GRIA1: variants seen among roughly 807,000 people sequenced by gnomAD.
The protein encoded by GRIA1 is glutamate receptor 1.
In GRIA1, 31 loss-of-function variants were observed where a neutral mutation model predicts 99.2. The ratio of observed to expected loss-of-function variants is 0.31; its 90% CI spans 0.23 to 0.42. The LOEUF is 0.42. Among genes scored for constraint, GRIA1 ranks in the 10% least tolerant of loss-of-function variants. GRIA1 has a pLI of 1.00. For synonymous variants in GRIA1, 438 were observed against 432.4 expected, an observed-to-expected ratio of 1.01 and a Z score of -0.16; for missense variants, 782 against 1,157.5, an observed-to-expected ratio of 0.68 and a Z score of 4.71.
At chr5:153,500,613 A>G (rs1337681118) in intron 2 of GRIA1, among the ~76,000 whole-genome samples, 1 of 29,494 alleles carries the variant, frequency 3.4e-5, no homozygotes, top group Non-Finnish European at 6.2e-5. Context: ...TCTTACATAC[A>G]CACACACACA....
At chr5:153,524,031 G>T (rs765419506) in intron 2 of GRIA1, among the ~76,000 whole-genome samples, 10 of 152,186 alleles carry the variant, frequency 6.6e-5, no homozygotes, top group Non-Finnish European at 1.0e-4. Flanking sequence ...TACTGAATCA[G>T]AATTCCTGGC....
chr5:153,755,146 G>A (rs1399856896), intron 11 of GRIA1, among the ~76,000 whole-genome samples: 1 of 152,156 alleles, frequency 6.6e-6, no homozygotes, highest in Admixed American at 6.5e-5. Flanking sequence ...TGAGCCAGGG[G>A]CCAGATCACA....
chr5:153,759,555 A>T, intron 11 of GRIA1, among the ~76,000 whole-genome samples: 1 of 152,048 alleles, frequency 6.6e-6, no homozygotes. Flanking sequence ...AGATTGAATC[A>T]GTAATAAAAA....
intron 8 of GRIA1, among the ~76,000 whole-genome samples, chr5:153,687,340 TTGAG>T (rs1290448867): frequency 3.3e-5 from 5 of 152,174 alleles, no homozygotes; most frequent in Non-Finnish European, 5.9e-5. Flanking sequence ...GATAATTTAT[TTGAG>T]CTCTTTGTTC....
intron 2 of GRIA1, among the ~76,000 whole-genome samples, chr5:153,618,498 G>A (rs901179149): frequency 4.6e-5 from 7 of 152,180 alleles, no homozygotes; most frequent in Non-Finnish European, 1.0e-4. Flanking sequence ...GGTGGGTGTA[G>A]ACTGGAGGAG....
At chr5:153,537,692 T>C (rs10463335) in intron 2 of GRIA1, among the ~76,000 whole-genome samples, 71,043 of 152,034 alleles carry the variant, frequency 0.47, 18,316 homozygotes, top group Non-Finnish European at 0.59. Flanking sequence ...GGCTTCAAGA[T>C]AGATAAGTGC....
chr5:153,805,544 A>G (rs114846642), intron 15 of GRIA1, among the ~76,000 whole-genome samples: 2,037 of 152,292 alleles, frequency 0.013, 17 homozygotes, highest in African/African-American at 0.023. Context: ...CTCATGAACT[A>G]TGACGAGACC....
intron 13 of GRIA1, among the ~76,000 whole-genome samples, chr5:153,774,721 C>G (rs778398872): frequency 2.6e-5 from 4 of 152,224 alleles, no homozygotes; most frequent in Non-Finnish European, 5.9e-5. Flanking sequence ...ACAGATCACC[C>G]AGTTATGCTT....
intron 11 of GRIA1, among the ~76,000 whole-genome samples, chr5:153,717,121 G>A (rs1040681934): frequency 9.9e-5 from 15 of 152,118 alleles, no homozygotes; most frequent in African/African-American, 3.6e-4. Context: ...CCAAATTACA[G>A]GCTCTTTTCA....
chr5:153,504,021 C>T (rs1195937159), intron 2 of GRIA1, among the ~76,000 whole-genome samples: 1 of 152,170 alleles, frequency 6.6e-6, no homozygotes, highest in Non-Finnish European at 1.5e-5. Flanking sequence ...GGAAAGGAAA[C>T]TTCTCTTTTC....
chr5:153,742,778 T>C (rs1342320934), intron 11 of GRIA1, among the ~76,000 whole-genome samples: 1 of 152,240 alleles, frequency 6.6e-6, no homozygotes, highest in Non-Finnish European at 1.5e-5. Context: ...TCTGTCTTAC[T>C]CCTTGAGCAA....
chr5:153,650,819 G>A (rs996757178), intron 4 of GRIA1, among the ~76,000 whole-genome samples: 1 of 149,974 alleles, frequency 6.7e-6, no homozygotes, highest in Admixed American at 6.7e-5. Context: ...AGCACTTTGG[G>A]AGACTGAGGC....
intron 2 of GRIA1, among the ~76,000 whole-genome samples, chr5:153,538,063 C>T (rs936681353): frequency 6.6e-6 from 1 of 152,132 alleles, no homozygotes; most frequent in African/African-American, 2.4e-5. Flanking sequence ...TTGTTCTAAT[C>T]ATCATCCTAT....
At chr5:153,539,603 T>G (rs1873903) in intron 2 of GRIA1, among the ~76,000 whole-genome samples, 150,537 of 152,308 alleles carry the variant, frequency 0.99, 74,417 homozygotes, top group East Asian at 1. Context: ...TGAGGTTGGT[T>G]AGTTGAAATA....
chr5:153,687,382 A>T (rs1170062454), intron 8 of GRIA1, among the ~76,000 whole-genome samples: 1 of 152,090 alleles, frequency 6.6e-6, no homozygotes, highest in Non-Finnish European at 1.5e-5. Context: ...GTAAGTGGGG[A>T]TCACCTTAAC....
At chr5:153,659,489 T>C (rs1755204267) in intron 5 of GRIA1, among the ~76,000 whole-genome samples, 2 of 152,146 alleles carry the variant, frequency 1.3e-5, no homozygotes, top group Non-Finnish European at 2.9e-5. Flanking sequence ...CACTCCCTGC[T>C]CTGAGACTGT....
Position 153,677,086 on chromosome 5 carries a change from G to C in GRIA1, c.954G>C (p.Gly318=), listed in dbSNP as rs146697277. Residue 318 remains glycine, a synonymous_variant, in exon 7 of 16, where the codon GGG becomes GGC. Coordinates refer to ENST00000285900, the MANE Select transcript of GRIA1 (RefSeq NM_000827.4). ...RRQRIDISRR[G]NAGDCLANPA... Reference sequence around the variant, plus strand: ...AGAGAATTGATATATCTCGCCGGGGGAATGCTGGGGATTGTCTGGCTAACC... The same window carrying C: ...AGAGAATTGATATATCTCGCCGGGGCAATGCTGGGGATTGTCTGGCTAACC... The C allele has an allele frequency of 9.0e-5, 143 of 1,585,388 alleles. No homozygotes were observed. The highest frequency in any genetic ancestry group is 5.1e-4 in the Admixed American group (29 of 57,278).
chr5:153,608,071 A>C (rs959875848), intron 2 of GRIA1, among the ~76,000 whole-genome samples: 6 of 152,148 alleles, frequency 3.9e-5, no homozygotes, highest in African/African-American at 1.4e-4. Context: ...ATTCTCTGTC[A>C]GCACTTTAAA....
chr5:153,573,503 C>T (rs577764970), intron 2 of GRIA1, among the ~76,000 whole-genome samples: 3 of 152,240 alleles, frequency 2.0e-5, no homozygotes, highest in South Asian at 4.2e-4. Context: ...GTATTATCAT[C>T]ATCATTTTGA....
Sources: allele counts gnomAD v4.1 joint callset (sites outside exome capture counted in the v4.1 genomes callset), GRCh38; gene constraint gnomAD v4.1.1; transcripts MANE v1.5; gene names NCBI Gene and HGNC (gene_info 2026-07-23, HGNC 2026-07-21).